The following TENM3 variants were observed in gnomAD, a reference collection of about 807,000 sequenced individuals.
TENM3 encodes the protein teneurin-3.
In TENM3, 63 loss-of-function variants were observed where a neutral mutation model predicts 255.1. That is an observed-to-expected ratio of 0.25 (90% CI 0.20 to 0.30). The LOEUF (loss-of-function observed/expected upper bound fraction) is 0.30. Ranked by LOEUF, TENM3 falls within the 10% of genes least tolerant of loss-of-function variation. TENM3 has a pLI of 1.00. For synonymous variants in TENM3, 1,306 were observed against 1,322.3 expected (o/e 0.99, Z 0.27); for missense variants, 2,929 against 3,461.1 (o/e 0.85, Z 3.86).
At chr4:182,042,694 T>C in the TENM3 span, among the ~76,000 whole-genome samples, 1 of 152,216 alleles carries the variant, frequency 6.6e-6, no homozygotes, top group African/African-American at 2.4e-5. Context: ...TACGAGCATA[T>C]TTCTTTTTGA....
intron 3 of TENM3, among the ~76,000 whole-genome samples, chr4:182,550,635 A>G (rs144267281): frequency 3.5e-4 from 53 of 152,308 alleles, no homozygotes; most frequent in African/African-American, 1.2e-3. Context: ...ACTAGAGACA[A>G]GTTATTAATG....
Position 182,228,672 on chromosome 4 carries a change from G to A in TENM3, c.-76+83918G>A, listed in dbSNP as rs370541786. On this transcript the variant is annotated intron_variant, in intron 1 of 2. Transcript: ENST00000512480. ...TGACAACATAGCATCAAGAAAGTTC[G>A]TTAAGAATGCGGAGAAAATGTATTT... Among the ~76,000 whole-genome samples the A allele has an allele frequency of 3.2e-4, 49 of 152,148 alleles. 1 individual carries two copies. The highest frequency in any genetic ancestry group is 1.0e-3 in the African/African-American group (43 of 41,494).
intron 3 of TENM3, among the ~76,000 whole-genome samples, chr4:182,552,121 CT>C (rs1742102168): frequency 6.6e-6 from 1 of 151,796 alleles, no homozygotes; most frequent in African/African-American, 2.4e-5. Context: ...CTAGAGTTAG[CT>C]TTTTTCTCCT....
chr4:181,666,698 A>AT, the TENM3 span, among the ~76,000 whole-genome samples: 4 of 150,870 alleles, frequency 2.7e-5, no homozygotes, highest in Admixed American at 6.6e-5. Flanking sequence ...GAGACCAAAA[A>AT]TTTTTTTTTT....
chr4:181,851,530 T>C, the TENM3 span, among the ~76,000 whole-genome samples: 2 of 152,276 alleles, frequency 1.3e-5, no homozygotes, highest in African/African-American at 4.8e-5. Flanking sequence ...CTCCTTTTCC[T>C]GGTATTCCAA....
At chr4:181,524,872 C>T in the TENM3 span, among the ~76,000 whole-genome samples, 6 of 152,284 alleles carry the variant, frequency 3.9e-5, no homozygotes, top group South Asian at 1.0e-3. Flanking sequence ...ACCACGCACC[C>T]TCAATCCCTG....
chr4:182,173,788 A>G (rs192397144), intron 1 of TENM3, among the ~76,000 whole-genome samples: 77 of 152,314 alleles, frequency 5.1e-4, no homozygotes, highest in South Asian at 3.1e-3. Flanking sequence ...CCAGCAGCGA[A>G]AGGAAGGTGA....
chr4:181,740,159 C>A, the TENM3 span, among the ~76,000 whole-genome samples: 1 of 151,958 alleles, frequency 6.6e-6, no homozygotes, highest in African/African-American at 2.4e-5. Context: ...ATTTAATAAA[C>A]CACTTGGCAT....
At chr4:181,660,066 A>G in the TENM3 span, among the ~76,000 whole-genome samples, 1 of 152,210 alleles carries the variant, frequency 6.6e-6, no homozygotes, top group Non-Finnish European at 1.5e-5. Context: ...CAGAAAATGT[A>G]GCGAGACAAC....
At chr4:182,448,850 G>T in intron 3 of TENM3, 1 of 177,970 alleles carries the variant, frequency 5.6e-6, no homozygotes, top group South Asian at 1.2e-4. Flanking sequence ...CCGGGGCGCT[G>T]GGCGCGGGGC....
chr4:182,688,500 C>T lies in TENM3; in HGVS notation c.2221+149C>T, dbSNP rs911792001. 9.3e-6 allele frequency: 6 copies of T among 644,836 alleles called. 1 individual carries two copies. The highest frequency in any genetic ancestry group is 1.4e-5 in the Non-Finnish European group (6 of 419,212). 39.9% of individuals were successfully genotyped at this position (644,836 alleles called of 1,614,324 possible). ...GAAATTATTTTTTAAATATGGTTGT[C>T]ATTTTATAATGGCAATTCAGTTCTT... On this transcript the variant is annotated intron_variant, in intron 12 of 27. Transcript: ENST00000511685.
chr4:182,263,251 T>C (rs1249573619), intron 1 of TENM3, among the ~76,000 whole-genome samples: 1 of 151,952 alleles, frequency 6.6e-6, no homozygotes, highest in East Asian at 1.9e-4. Context: ...CAGCACTGAT[T>C]GGGTGACAGT....
chr4:182,100,846 T>TATATAC, the TENM3 span, among the ~76,000 whole-genome samples: 2 of 10,878 alleles, frequency 1.8e-4, 1 homozygote, highest in Non-Finnish European at 3.6e-4. Flanking sequence ...TATACTCATA[T>TATATAC]ATATATATAT....
the TENM3 span, among the ~76,000 whole-genome samples, chr4:181,582,596 G>A: frequency 2.0e-5 from 3 of 149,306 alleles, no homozygotes; most frequent in Non-Finnish European, 4.4e-5. Context: ...GCAGGGAGCC[G>A]AGATAGTGCC....
chr4:182,278,376 A>T (rs545959808), intron 1 of TENM3, among the ~76,000 whole-genome samples: 1 of 152,256 alleles, frequency 6.6e-6, no homozygotes, highest in African/African-American at 2.4e-5. Flanking sequence ...TCAAAAACAA[A>T]AAAAAAGAAA....
At chr4:182,442,264 T>C (rs1772546122) in intron 3 of TENM3, among the ~76,000 whole-genome samples, 1 of 152,236 alleles carries the variant, frequency 6.6e-6, no homozygotes, top group African/African-American at 2.4e-5. Context: ...TAATAATTAT[T>C]ATCTAAATTT....
chr4:182,403,667 T>C (rs1331175545), intron 3 of TENM3, among the ~76,000 whole-genome samples: 1 of 152,226 alleles, frequency 6.6e-6, no homozygotes, highest in Admixed American at 6.5e-5. Context: ...CGTGGAACAA[T>C]TGGATGCCTT....
intron 18 of TENM3, among the ~76,000 whole-genome samples, chr4:182,740,396 A>G (rs565659168): frequency 6.6e-6 from 1 of 152,366 alleles, no homozygotes; most frequent in Admixed American, 6.5e-5. Context: ...ACAAGGTTCA[A>G]TCATGGTCTT....
chr4:182,788,481 T>C (rs1201085091), intron 24 of TENM3, among the ~76,000 whole-genome samples: 1 of 152,182 alleles, frequency 6.6e-6, no homozygotes, highest in Non-Finnish European at 1.5e-5. Context: ...TGTGTATGTG[T>C]TAGTAAAGGA....
Sources: gnomAD v4.1 joint callset for allele counts (sites outside exome capture counted in the v4.1 genomes callset) on GRCh38, gnomAD v4.1.1 for gene constraint, MANE v1.5 for transcripts, NCBI Gene and HGNC (gene_info 2026-07-23, HGNC 2026-07-21) for gene names.